Variants in ZFP2 observed in about 807,000 individuals in gnomAD.
The protein encoded by ZFP2 is zinc finger protein ZFP2.
Under a neutral mutation model 36.1 loss-of-function variants are expected in ZFP2, and 33 were observed. The observed-to-expected ratio is 0.92, with a 90% CI of 0.69 to 1.22. The LOEUF is 1.22. Ranked by LOEUF, ZFP2 falls within the 50% of genes most tolerant of loss-of-function variation. ZFP2 has a pLI of 0.00. For synonymous variants in ZFP2, 170 were observed against 178.0 expected, an observed-to-expected ratio of 0.96 and a Z score of 0.36; for missense variants, 522 against 551.4, an observed-to-expected ratio of 0.95 and a Z score of 0.53.
chr5:178,909,613 A>C (rs1425497135), intron 1 of ZFP2: 1 of 1,255,802 alleles, frequency 8.0e-7, no homozygotes, highest in South Asian at 2.0e-5. Flanking sequence ...AGTAGAAACT[A>C]TCCTGATCTT....
chr5:178,920,468 C>G (rs1332193024), intron 4 of ZFP2, among the ~76,000 whole-genome samples: 1 of 152,102 alleles, frequency 6.6e-6, no homozygotes, highest in African/African-American at 2.4e-5. Context: ...GAAACCCCGT[C>G]TTTCCTAAAA....
intron 1 of ZFP2, among the ~76,000 whole-genome samples, chr5:178,899,382 G>A (rs1193444907): frequency 1.3e-5 from 2 of 152,158 alleles, no homozygotes; most frequent in African/African-American, 4.8e-5. Context: ...AGTAAAAAAT[G>A]CCTGGCATGG....
intron 4 of ZFP2, among the ~76,000 whole-genome samples, chr5:178,921,700 A>C (rs1411937025): frequency 6.7e-6 from 1 of 149,700 alleles, no homozygotes; most frequent in Non-Finnish European, 1.5e-5. Context: ...GCCTGTTTTC[A>C]GATGGCTGTA....
In ZFP2 at chr5:178,931,776, G is replaced by A. The variant is rs1223393764; in HGVS notation, c.463G>A (p.Glu155Lys). The change falls in exon 5 of 5, where the codon GAG becomes AAG. Residue 155 changes from glutamate to lysine, a missense_variant. By Grantham distance (56) the Glu-to-Lys change is moderately conservative. Transcript: ENST00000361362. ...LTVHQRIHTGEKPYKCNECGK... is the reference protein window; with the variant it reads ...LTVHQRIHTGKKPYKCNECGK... The stretch of plus-strand genomic sequence containing the variant: ...TGTACATCAAAGAATTCATACTGGA[G>A]AGAAACCCTATAAATGTAATGAATG... 1.2e-6 allele frequency: 2 copies of A among 1,614,100 alleles called. No individual in the cohort carries two copies. Among genetic ancestry groups the A allele is most frequent in the Non-Finnish European group, 1.7e-6 (2 of 1,180,002 alleles).
rs536398196 is a variant in ZFP2, at chr5:178,896,982, A to G, written c.-450+1008A>G. Among the ~76,000 whole-genome samples, 9 of 152,276 alleles carry G rather than the reference A, an allele frequency of 5.9e-5. No individual in the cohort carries two copies. The South Asian group carries it at 1.9e-3, about 32-fold the overall frequency. ...CGTCATTTTAATGAGTGTGAGGGAA[A>G]GTATGGATGTGTCGTATTGAATCCT... On this transcript the variant is annotated intron_variant, in intron 1 of 4. Coordinates refer to ENST00000361362, the MANE Select transcript of ZFP2 (RefSeq NM_030613.4).
At chr5:178,899,450 C>G (rs1318408003) in intron 1 of ZFP2, among the ~76,000 whole-genome samples, 1 of 152,144 alleles carries the variant, frequency 6.6e-6, no homozygotes, top group Non-Finnish European at 1.5e-5. Context: ...TCATCCCAGC[C>G]AAGAGCCTGT....
In ZFP2 at chr5:178,932,239, A is replaced by G; in HGVS notation, c.926A>G (p.Gln309Arg). ...AACAAATGCGGGAAATCCTTTAGCC[A>G]AAGTACATATCTTATAGAACATCAG... ...KCNKCGKSFSQSTYLIEHQRL... is the reference protein window; with the variant it reads ...KCNKCGKSFSRSTYLIEHQRL... Residue 309 changes from glutamine (Q) to arginine (R), a missense_variant, in exon 5 of 5, where the codon CAA becomes CGA. By Grantham distance (43) the Gln-to-Arg change is conservative. Coordinates refer to ENST00000361362, the MANE Select transcript of ZFP2 (RefSeq NM_030613.4). 3 of 1,614,200 alleles carry G rather than the reference A, an allele frequency of 1.9e-6. No homozygotes were observed. The highest frequency in any genetic ancestry group is 2.5e-6 in the Non-Finnish European group (3 of 1,180,022).
rs778074289 is a variant in ZFP2 at position 178,932,410 on chromosome 5, G to A, written c.1097G>A (p.Arg366Gln). The stretch of plus-strand genomic sequence containing the variant: ...GTGTGTGGAAAACATTTCACTGGAC[G>A]ATCATCCCTTACCGTGCATCAGGTC... The part of the protein sequence containing the change: ...CMVCGKHFTG[R>Q]SSLTVHQVIH... Residue 366 changes from arginine (R) to glutamine (Q), a missense_variant, in exon 5 of 5, where the codon CGA (arginine) becomes CAA (glutamine). Coordinates refer to ENST00000361362, the MANE Select transcript of ZFP2 (RefSeq NM_030613.4). The A allele has an allele frequency of 5.6e-6, 9 of 1,613,932 alleles. No homozygotes were observed. Among genetic ancestry groups the A allele is most frequent in the South Asian group, 1.1e-5 (1 of 91,054 alleles).
intron 1 of ZFP2, among the ~76,000 whole-genome samples, chr5:178,896,354 C>G (rs1581823207): frequency 6.6e-6 from 1 of 152,210 alleles, no homozygotes; most frequent in African/African-American, 2.4e-5. Flanking sequence ...CCGGGTTCCT[C>G]CCTGGCTTTC....
intron 4 of ZFP2, among the ~76,000 whole-genome samples, chr5:178,921,224 A>G (rs1167530628): frequency 6.6e-6 from 1 of 152,096 alleles, no homozygotes; most frequent in Non-Finnish European, 1.5e-5. Context: ...TTCTTAAATA[A>G]CTTCCAAGGT....
chr5:178,913,161 C>T lies in ZFP2; in HGVS notation c.-224+90C>T, dbSNP rs139644686. 161 of 689,982 alleles carry T rather than the reference C, an allele frequency of 2.3e-4. No individual in the cohort carries two copies. In the African/African-American group the frequency reaches 2.6e-3, roughly 11 times the overall value. The allele number at this position is 689,982 out of a possible 1,614,324, so 42.7% of individuals were successfully genotyped here. On this transcript the variant is annotated intron_variant, in intron 3 of 4. Coordinates refer to ENST00000361362, the MANE Select transcript of ZFP2 (RefSeq NM_030613.4). ...TGTTGGGTCTCTGGAGAGACTAGGGCCACTGGATGTGTGTTCTCAGATGAC... is the reference window on the plus strand; with the variant it reads ...TGTTGGGTCTCTGGAGAGACTAGGGTCACTGGATGTGTGTTCTCAGATGAC...
chr5:178,907,654 A>T (rs969458138), intron 1 of ZFP2, among the ~76,000 whole-genome samples: 1 of 147,780 alleles, frequency 6.8e-6, no homozygotes, highest in Non-Finnish European at 1.5e-5. Flanking sequence ...ATTCAAGCAG[A>T]GCTGCATACC....
chr5:178,912,830 G>C, intron 2 of ZFP2, 111 bp downstream of exon 2: 1 of 918,316 alleles, frequency 1.1e-6, no homozygotes, highest in Non-Finnish European at 1.3e-6. Context: ...GCAGAAGATT[G>C]AAATTTTCTG....
At chr5:178,917,931 G>A (rs1758474958) in intron 4 of ZFP2, among the ~76,000 whole-genome samples, 1 of 152,176 alleles carries the variant, frequency 6.6e-6, no homozygotes, top group South Asian at 2.1e-4. Context: ...ACCCTGTCTG[G>A]GAAGCTTTCC....
chr5:178,903,349 C>T (rs966066564), intron 1 of ZFP2, among the ~76,000 whole-genome samples: 2 of 152,032 alleles, frequency 1.3e-5, no homozygotes, highest in African/African-American at 4.8e-5. Context: ...AAATATTGGG[C>T]ATATAGACTA....
At chr5:178,912,429 T>A (rs980125338) in intron 1 of ZFP2, among the ~76,000 whole-genome samples, 155 bp from the exon 2 acceptor site, 2 of 152,198 alleles carry the variant, frequency 1.3e-5, no homozygotes, top group African/African-American at 4.8e-5. Flanking sequence ...TTTTATATTA[T>A]GTCTCTGGTT....
At chr5:178,922,426 T>G (rs1758576073) in intron 4 of ZFP2, 1 of 1,357,424 alleles carries the variant, frequency 7.4e-7, no homozygotes, top group South Asian at 1.2e-5. Context: ...TTTTGTCTAC[T>G]TTTACTATTG....
At chr5:178,896,431 C>G (rs1371320834) in intron 1 of ZFP2, among the ~76,000 whole-genome samples, 1 of 152,176 alleles carries the variant, frequency 6.6e-6, no homozygotes, top group African/African-American at 2.4e-5. Context: ...CCGCGGACAT[C>G]CCGGGGATTC....
intron 1 of ZFP2, among the ~76,000 whole-genome samples, chr5:178,896,210 T>TC (rs1454035168): frequency 6.6e-6 from 1 of 152,182 alleles, no homozygotes; most frequent in Non-Finnish European, 1.5e-5. Flanking sequence ...CAGCTGAGTG[T>TC]CCTTCGGCGC....
Sources: gnomAD v4.1 joint callset for allele counts (sites outside exome capture counted in the v4.1 genomes callset) on GRCh38, gnomAD v4.1.1 for gene constraint, MANE v1.5 for transcripts, NCBI Gene and HGNC (gene_info 2026-07-23, HGNC 2026-07-21) for gene names.